The following GPR82 variants were observed in gnomAD, a reference collection of about 807,000 sequenced individuals.
The protein encoded by GPR82 is G protein-coupled receptor 82, also known as probable G protein-coupled receptor 82.
In GPR82, 6 loss-of-function variants were observed where a neutral mutation model predicts 12.9. The ratio of observed to expected loss-of-function variants is 0.46; its 90% CI spans 0.25 to 0.92. The LOEUF (loss-of-function observed/expected upper bound fraction) is 0.92, where lower values mean the gene tolerates loss of function less well. Ranked by LOEUF, GPR82 falls within the 40% of genes least tolerant of loss-of-function variation. The probability of loss-of-function intolerance (pLI) is 0.16; values close to 1 mark genes in which losing one functional copy is unlikely to be tolerated. For missense variants in GPR82, 241 were observed against 245.5 expected, an observed-to-expected ratio of 0.98 and a Z score of 0.12; for synonymous variants, 90 against 87.6, an observed-to-expected ratio of 1.03 and a Z score of -0.15.
Position 41,727,469 on chromosome X carries a change from A to T in GPR82, c.443A>T (p.Gln148Leu). The change falls in exon 3 of 3, where the codon CAG becomes CTG. Residue 148 changes from glutamine (Q) to leucine (L), a missense_variant. Coordinates refer to ENST00000302548, the MANE Select transcript of GPR82 (RefSeq NM_080817.5). ...FYGHLLKKFR[Q>L]PNFARKLCIY... The stretch of plus-strand genomic sequence containing the variant: ...GGCCATTTACTGAAAAAATTTCGCC[A>T]GCCCAACTTTGCTAGAAAACTATGC... The T allele has an allele frequency of 8.3e-7, 1 of 1,209,919 alleles. No homozygotes were observed. The highest frequency in any genetic ancestry group is 1.1e-6 in the Non-Finnish European group (1 of 893,613).
In GPR82 at chrX:41,727,507, G is replaced by A. The variant is rs751134752; in HGVS notation, c.481G>A (p.Gly161Arg). The A allele has an allele frequency of 8.3e-7, 1 of 1,209,841 alleles. No individual in the cohort carries two copies. Among genetic ancestry groups the A allele is most frequent in the Non-Finnish European group, 1.1e-6 (1 of 893,787 alleles). The change falls in exon 3 of 3, where the codon GGA (glycine) becomes AGA (arginine). Residue 161 changes from glycine (G) to arginine (R), a missense_variant. Physicochemically the swap from Gly to Arg is moderately radical, Grantham distance 125. Transcript: ENST00000302548. ...TAGAAAACTATGCATTTACATATGG[G>A]GAGTTGTACTGGGCATAATCATTCC... The part of the protein sequence containing the change: ...FARKLCIYIW[G>R]VVLGIIIPVT...
Position 41,729,749 on chromosome X carries a change from CAAAAAAAAAAAAAAA to C in GPR82, c.*1731_*1745del, listed in dbSNP as rs1162361118. 1 of 14,114 alleles carries C rather than the reference CAAAAAAAAAAAAAAA, an allele frequency of 7.1e-5. No individual in the cohort carries two copies. The highest frequency in any genetic ancestry group is 1.2e-4 in the Non-Finnish European group (1 of 8,424). 1.2% of individuals were successfully genotyped at this position (14,114 alleles called of 1,213,427 possible). ...TGGGCGACAGAGTGAGACTCTGTCT[CAAAAAAAAAAAAAAA>C]AAAAAAAAAAAAAAAAAATATATAT... On this transcript the variant is annotated 3_prime_UTR_variant, in exon 3 of 3. Transcript: ENST00000302548.
rs1376346589 is a variant in GPR82, at chrX:41,727,436, T to C, written c.410T>C (p.Ile137Thr). The C allele has an allele frequency of 8.3e-7, 1 of 1,208,760 alleles. No individual in the cohort carries two copies. Among genetic ancestry groups the C allele is most frequent in the African/African-American group, 1.7e-5 (1 of 57,188 alleles). Residue 137 changes from isoleucine (I) to threonine (T), a missense_variant, in exon 3 of 3, where the codon ATA becomes ACA. Ile to Thr is a moderately conservative substitution (Grantham distance 89). Coordinates refer to ENST00000302548, the MANE Select transcript of GPR82 (RefSeq NM_080817.5). ...SQETTSCYEK[I>T]FYGHLLKKFR... is the part of the protein sequence containing the mutation. ...GAGACTACTTCATGCTATGAGAAAA[T>C]ATTTTATGGCCATTTACTGAAAAAA...
chrX:41,729,776 AAAAAAATATAT>A lies in GPR82; in HGVS notation c.*1741_*1751del. The A allele has an allele frequency of 1.1e-5, 1 of 86,983 alleles. No homozygotes were observed. The highest frequency in any genetic ancestry group is 2.3e-5 in the Non-Finnish European group (1 of 44,024). The allele number at this position is 86,983 out of a possible 1,213,427, so 7.2% of individuals were successfully genotyped here. On this transcript the variant is annotated 3_prime_UTR_variant, in exon 3 of 3. Coordinates refer to ENST00000302548, the MANE Select transcript of GPR82 (RefSeq NM_080817.5). ...AAAAAAAAAAAAAAAAAAAAAAAAA[AAAAAAATATAT>A]ATATATATATATATATATATGTATG...
chrX:41,725,210 C>T (rs1286203440), intron 1 of GPR82, among the ~76,000 whole-genome samples: 1 of 111,712 alleles, frequency 9.0e-6, no homozygotes, highest in East Asian at 2.8e-4. Flanking sequence ...TTTAAACCCA[C>T]AGACACTGCA....
In GPR82 at chrX:41,729,206, T is replaced by A. The variant is rs1025824403; in HGVS notation, c.*1169T>A. The A allele has an allele frequency of 1.6e-5, 2 of 123,242 alleles. No homozygotes were observed. The highest frequency in any genetic ancestry group is 6.5e-5 in the African/African-American group (2 of 30,800). The allele number at this position is 123,242 out of a possible 1,213,427, so 10.2% of individuals were successfully genotyped here. On this transcript the variant is annotated 3_prime_UTR_variant, in exon 3 of 3. Transcript: ENST00000302548. ...CTCTACTTTTTATTTAGCTGGACAA[T>A]CTTAGGCAAATTAACTTATCCTCTG...
At chrX:41,726,890 T>C (rs1401869477) in intron 2 of GPR82, 47 bp downstream of exon 2, 5 of 356,580 alleles carry the variant, frequency 1.4e-5, no homozygotes, top group Non-Finnish European at 2.4e-5. Flanking sequence ...ACATTTTTGT[T>C]ACTATTTTAT....
At position 41,727,443 on chromosome X, in the gene GPR82, T is replaced by C; in HGVS notation, c.417T>C (p.Tyr139=). Residue 139 remains tyrosine, a synonymous_variant, in exon 3 of 3, where the codon TAT becomes TAC. Coordinates refer to ENST00000302548, the MANE Select transcript of GPR82 (RefSeq NM_080817.5). ...ETTSCYEKIF[Y]GHLLKKFRQP... is the part of the protein sequence containing the mutation. ...CTTCATGCTATGAGAAAATATTTTA[T>C]GGCCATTTACTGAAAAAATTTCGCC... 3.3e-6 allele frequency: 4 copies of C among 1,210,323 alleles called. No homozygotes were observed. The African/African-American group carries it at 6.9e-5, about 21-fold the overall frequency.
In GPR82 at chrX:41,729,785, T is replaced by C. The variant is rs866215975; in HGVS notation, c.*1748T>C. On this transcript the variant is annotated 3_prime_UTR_variant, in exon 3 of 3. Transcript: ENST00000302548. ...AAAAAAAAAAAAAAAAAAAAAAATA[T>C]ATATATATATATATATATATATGTA... 3.0e-5 allele frequency: 2 copies of C among 67,553 alleles called. No homozygotes were observed. The highest frequency in any genetic ancestry group is 6.4e-5 in the African/African-American group (1 of 15,718). The allele number at this position is 67,553 out of a possible 1,213,427, so 5.6% of individuals were successfully genotyped here.
At position 41,727,354 on chromosome X, in the gene GPR82, T is replaced by C. The variant is rs2068279655; in HGVS notation, c.328T>C (p.Leu110=). 8.3e-7 allele frequency: 1 copy of C among 1,206,012 alleles called. No homozygotes were observed. The change falls in exon 3 of 3, where the codon TTA becomes CTA. Residue 110 remains leucine, a synonymous_variant. Coordinates refer to ENST00000302548, the MANE Select transcript of GPR82 (RefSeq NM_080817.5). ...HASMFVSLLI[L]SWIAISRYAT... is the part of the protein sequence containing the mutation. ...AAGTATGTTTGTCAGTCTCTTAATT[T>C]TAAGTTGGATTGCCATAAGCCGCTA...
At chrX:41,725,288 A>G (rs978354962) in intron 1 of GPR82, among the ~76,000 whole-genome samples, 2 of 111,988 alleles carry the variant, frequency 1.8e-5, no homozygotes, top group Non-Finnish European at 3.8e-5. Context: ...TTATAATATC[A>G]TATTTGAAAA....
rs1012125142 is a variant in GPR82 at position 41,726,782 on chromosome X, T to C, written c.-96T>C. On this transcript the variant is annotated 5_prime_UTR_variant, in exon 2 of 3. Coordinates refer to ENST00000302548, the MANE Select transcript of GPR82 (RefSeq NM_080817.5). ...AAATTTTGTTTTTCAGACAAAGGCA[T>C]TATCCATCACAATAAGTAACTTTTT... 4.0e-6 allele frequency: 1 copy of C among 252,533 alleles called. No individual in the cohort carries two copies. Among genetic ancestry groups the C allele is most frequent in the African/African-American group, 2.8e-5 (1 of 35,647 alleles). 20.8% of individuals were successfully genotyped at this position (252,533 alleles called of 1,213,427 possible). A position where few individuals can be genotyped will look rare whatever the true frequency, so the allele number is the denominator to read the frequency against.
At position 41,729,069 on chromosome X, in the gene GPR82, A is replaced by T. The variant is rs1479261700; in HGVS notation, c.*1032A>T. 2 of 123,618 alleles carry T rather than the reference A, an allele frequency of 1.6e-5. No homozygotes were observed. Among genetic ancestry groups the T allele is most frequent in the Admixed American group, 1.9e-4 (2 of 10,644 alleles). 10.2% of individuals were successfully genotyped at this position (123,618 alleles called of 1,213,427 possible). A position where few individuals can be genotyped will look rare whatever the true frequency, so the allele number is the denominator to read the frequency against. On this transcript the variant is annotated 3_prime_UTR_variant, in exon 3 of 3. Coordinates refer to ENST00000302548, the MANE Select transcript of GPR82 (RefSeq NM_080817.5). ...ATAAATAATGTTATTAGTGACAAAC[A>T]GTACCTGGCAGTTAATTTTTTGTGA...
chrX:41,725,297 A>T (rs2068240414), intron 1 of GPR82, among the ~76,000 whole-genome samples: 1 of 111,978 alleles, frequency 8.9e-6, no homozygotes, highest in African/African-American at 3.2e-5. Flanking sequence ...CATATTTGAA[A>T]AAAAACCCCA....
At chrX:41,724,439 G>A (rs2068220686) in intron 1 of GPR82, 150 bp downstream of exon 1, 1 of 112,546 alleles carries the variant, frequency 8.9e-6, no homozygotes, top group African/African-American at 3.2e-5. Flanking sequence ...GAAGTTAAGA[G>A]TTGTAGAACT....
At position 41,728,127 on chromosome X, in the gene GPR82, TG is replaced by T. The variant is rs2147682627; in HGVS notation, c.*92del. On this transcript the variant is annotated 3_prime_UTR_variant, in exon 3 of 3. Coordinates refer to ENST00000302548, the MANE Select transcript of GPR82 (RefSeq NM_080817.5). ...ACTACATCATTAACATGTCACAGCT[TG>T]GTTGACAATAATCACCAAGAAAATC... 2 of 414,635 alleles carry T rather than the reference TG, an allele frequency of 4.8e-6. No homozygotes were observed. The highest frequency in any genetic ancestry group is 4.2e-5 in the East Asian group (1 of 23,677). 34.2% of individuals were successfully genotyped at this position (414,635 alleles called of 1,213,427 possible). A position where few individuals can be genotyped will look rare whatever the true frequency, so the allele number is the denominator to read the frequency against.
chrX:41,724,836 T>C (rs935693151), intron 1 of GPR82, among the ~76,000 whole-genome samples: 4 of 112,088 alleles, frequency 3.6e-5, no homozygotes, highest in African/African-American at 6.5e-5. Flanking sequence ...CCATTACCTT[T>C]GCAGTTTTTA....
chrX:41,727,174 AC>A lies in GPR82; in HGVS notation c.149del (p.Thr50SerfsTer9). On this transcript the variant is annotated frameshift_variant, in exon 3 of 3. Coordinates refer to ENST00000302548, the MANE Select transcript of GPR82 (RefSeq NM_080817.5). LOFTEE classifies it high-confidence loss of function. ...FLTKIGKKTS[T>X]HIYLSHLVTA... ...AACAAAAATAGGTAAAAAAACATCA[AC>A]GCACATCTACCTGTCACACCTTGTG... The A allele has an allele frequency of 8.3e-7, 1 of 1,207,561 alleles. No homozygotes were observed. The highest frequency in any genetic ancestry group is 1.7e-5 in the African/African-American group (1 of 57,729).
intron 1 of GPR82, among the ~76,000 whole-genome samples, chrX:41,726,560 G>A (rs972549696): frequency 8.9e-6 from 1 of 111,969 alleles, no homozygotes; most frequent in Non-Finnish European, 1.9e-5. Flanking sequence ...TTAAAAACCA[G>A]TCAACTCTCT....
Sources: gnomAD v4.1 joint callset for allele counts (sites outside exome capture counted in the v4.1 genomes callset) on GRCh38, gnomAD v4.1.1 for gene constraint, MANE v1.5 for transcripts, NCBI Gene and HGNC (gene_info 2026-07-23, HGNC 2026-07-21) for gene names.